The following EPCIP variants were observed in gnomAD, a reference collection of about 807,000 sequenced individuals.
EPCIP encodes exosomal polycystin 1 interacting protein, also known as exosomal polycystin-1-interacting protein.
chr21:32,808,554 C>A, the EPCIP span, among the ~76,000 whole-genome samples: 1 of 152,030 alleles, frequency 6.6e-6, no homozygotes, highest in African/African-American at 2.4e-5. Context: ...ATATTGGAAC[C>A]AATGAACATT....
chr21:32,796,986 AG>A, the EPCIP span: 1 of 436,496 alleles, frequency 2.3e-6, no homozygotes, highest in Non-Finnish European at 4.7e-6. Context: ...AGAGATCAGA[AG>A]AGAAAAGGAT....
At chr21:32,806,628 C>T in the EPCIP span, among the ~76,000 whole-genome samples, 14 of 152,288 alleles carry the variant, frequency 9.2e-5, no homozygotes, top group Middle Eastern at 3.4e-3. Flanking sequence ...GCTGGATTAC[C>T]TGTTTGAGAT....
At chr21:32,794,782 C>A in the EPCIP span, among the ~76,000 whole-genome samples, 1 of 152,116 alleles carries the variant, frequency 6.6e-6, no homozygotes, top group African/African-American at 2.4e-5. Flanking sequence ...GATGCCAGAG[C>A]GGATGCCAGA....
the EPCIP span, among the ~76,000 whole-genome samples, chr21:32,810,127 A>G: frequency 6.6e-6 from 1 of 151,638 alleles, no homozygotes; most frequent in Non-Finnish European, 1.5e-5. Flanking sequence ...CATCTGACTT[A>G]GTTGCCTCCC....
the EPCIP span, among the ~76,000 whole-genome samples, chr21:32,809,657 C>T: frequency 2.9e-3 from 440 of 152,250 alleles, 4 homozygotes; most frequent in African/African-American, 0.01. Flanking sequence ...GCCACCGCGC[C>T]TGCCCCCATT....
the EPCIP span, among the ~76,000 whole-genome samples, chr21:32,808,371 T>C: frequency 6.6e-6 from 1 of 152,204 alleles, no homozygotes. Context: ...AGAATTCAGA[T>C]CTTCCACTTA....
At chr21:32,813,553 A>T in the EPCIP span, 1 of 470,232 alleles carries the variant, frequency 2.1e-6, no homozygotes, top group South Asian at 1.5e-5. Context: ...GTCAGACTAG[A>T]CATGCTTTTT....
the EPCIP span, among the ~76,000 whole-genome samples, chr21:32,807,425 C>T: frequency 0.72 from 107,882 of 150,440 alleles, 39,510 homozygotes; most frequent in East Asian, 0.91. Flanking sequence ...CTCCGCCTCC[C>T]GGGTTCAAGT....
At chr21:32,795,521 G>A in the EPCIP span, among the ~76,000 whole-genome samples, 1 of 152,166 alleles carries the variant, frequency 6.6e-6, no homozygotes, top group African/African-American at 2.4e-5. Context: ...ATACAATTCA[G>A]TCTTCTCCAT....
the EPCIP span, among the ~76,000 whole-genome samples, chr21:32,799,883 C>T: frequency 3.9e-5 from 6 of 151,998 alleles, no homozygotes; most frequent in African/African-American, 9.7e-5. Flanking sequence ...CAGAGGTTGC[C>T]GTGAGCCGAG....
At chr21:32,808,133 A>G in the EPCIP span, among the ~76,000 whole-genome samples, 1 of 152,230 alleles carries the variant, frequency 6.6e-6, no homozygotes, top group Non-Finnish European at 1.5e-5. Flanking sequence ...AGAGATTACA[A>G]CAGCCCTTGC....
At chr21:32,800,811 CAA>C in the EPCIP span, among the ~76,000 whole-genome samples, 4 of 66,992 alleles carry the variant, frequency 6.0e-5, no homozygotes, top group East Asian at 1.1e-3. Context: ...CTCAAAAAAA[CAA>C]AAAAAAAACC....
chr21:32,790,844 CA>C, the EPCIP span: 1 of 152,226 alleles, frequency 6.6e-6, no homozygotes, highest in Non-Finnish European at 1.5e-5. Context: ...CTACCATTAA[CA>C]TAGTTTGTTT....
At chr21:32,793,430 G>A in the EPCIP span, 2 of 441,914 alleles carry the variant, frequency 4.5e-6, no homozygotes, top group Non-Finnish European at 8.1e-6. Flanking sequence ...TCTCTAGGGT[G>A]TATTGCTTTC....
At chr21:32,809,506 T>G in the EPCIP span, among the ~76,000 whole-genome samples, 2 of 151,724 alleles carry the variant, frequency 1.3e-5, no homozygotes, top group East Asian at 3.9e-4. Flanking sequence ...CCTGAGTAGC[T>G]AGGACTATAG....
chr21:32,799,364 C>T, the EPCIP span, among the ~76,000 whole-genome samples: 1 of 152,158 alleles, frequency 6.6e-6, no homozygotes, highest in Non-Finnish European at 1.5e-5. Context: ...CTGGAGGGCC[C>T]CTCGATTTTA....
At chr21:32,810,246 C>CTTTTTTT in the EPCIP span, among the ~76,000 whole-genome samples, 2 of 65,636 alleles carry the variant, frequency 3.0e-5, no homozygotes, top group African/African-American at 1.3e-4. Flanking sequence ...GGCATTTGAT[C>CTTTTTTT]TTTTTTTTTT....
chr21:32,812,713 G>A, the EPCIP span, among the ~76,000 whole-genome samples: 1 of 151,866 alleles, frequency 6.6e-6, no homozygotes, highest in Non-Finnish European at 1.5e-5. Context: ...ATTTTTTAAG[G>A]GTGGGTTTTT....
the EPCIP span, chr21:32,799,095 C>T: frequency 6.6e-6 from 1 of 152,220 alleles, no homozygotes; most frequent in Non-Finnish European, 1.5e-5. Flanking sequence ...ATCAGCCCCA[C>T]TGCAAAGAGT....
Sources: gnomAD v4.1 joint callset for allele counts (sites outside exome capture counted in the v4.1 genomes callset) on GRCh38, gnomAD v4.1.1 for gene constraint, MANE v1.5 for transcripts, NCBI Gene and HGNC (gene_info 2026-07-23, HGNC 2026-07-21) for gene names.